MEI1: variants seen among roughly 807,000 people sequenced by gnomAD.
MEI1 encodes meiosis inhibitor protein 1.
A neutral mutation model predicts 146.2 loss-of-function variants in MEI1; 103 were observed. The ratio of observed to expected loss-of-function variants is 0.70; its 90% CI spans 0.60 to 0.83. MEI1 has a LOEUF of 0.83. Ranked by LOEUF, MEI1 falls within the 40% of genes least tolerant of loss-of-function variation. MEI1 has a pLI of 0.00. For missense variants in MEI1, 1,529 were observed against 1,533.0 expected (o/e 1.00, Z 0.04); for synonymous variants, 652 against 628.2 (o/e 1.04, Z -0.57).
At position 41,746,005 on chromosome 22, in the gene MEI1, G is replaced by C. The variant is rs760653758; in HGVS notation, c.1659G>C (p.Ser553=). 19 of 1,605,882 alleles carry C rather than the reference G, an allele frequency of 1.2e-5. No individual in the cohort carries two copies. The highest frequency in any genetic ancestry group is 1.5e-5 in the Non-Finnish European group (18 of 1,176,012). The part of the protein sequence containing the change: ...FSEFLLSACD[S]LCIPMVMRHL... ...AATTTCTTCTCAGTGCCTGTGACTC[G>C]CTGTGTATCCCCATGGTGATGGTGG... The change falls in exon 14 of 31, where the codon TCG becomes TCC. Residue 553 remains serine (S), a synonymous_variant. Transcript: ENST00000401548.
At chr22:41,710,372 A>G (rs1158805213) in intron 3 of MEI1, among the ~76,000 whole-genome samples, 1 of 152,240 alleles carries the variant, frequency 6.6e-6, no homozygotes, top group Non-Finnish European at 1.5e-5. Context: ...ATAGGATACA[A>G]AAATTCTGCA....
chr22:41,714,741 C>A (rs1459443454), intron 4 of MEI1, among the ~76,000 whole-genome samples: 1 of 151,082 alleles, frequency 6.6e-6, no homozygotes, highest in Non-Finnish European at 1.5e-5. Flanking sequence ...ATTAGCTGGG[C>A]GTGGTGGTGC....
At chr22:41,793,719 C>G in intron 26 of MEI1, 110 bp from the exon 27 acceptor site, 1 of 932,498 alleles carries the variant, frequency 1.1e-6, no homozygotes, top group Non-Finnish European at 1.6e-6. Flanking sequence ...AATCCCAAAT[C>G]TGAAATTCTG....
chr22:41,699,840 C>A, intron 1 of MEI1, 128 bp downstream of exon 1: 1 of 1,193,558 alleles, frequency 8.4e-7, no homozygotes, highest in Non-Finnish European at 1.1e-6. Context: ...TGTGTTCACT[C>A]TCCTCCCTGT....
chr22:41,743,241 G>A (rs1450411272), intron 12 of MEI1, 47 bp downstream of exon 12: 1 of 1,394,560 alleles, frequency 7.2e-7, no homozygotes, highest in South Asian at 1.2e-5. Context: ...GCTGCAGTGT[G>A]TTTTTAGAAA....
chr22:41,718,965 C>T (rs1033946814), intron 6 of MEI1, among the ~76,000 whole-genome samples: 25 of 150,628 alleles, frequency 1.7e-4, no homozygotes, highest in African/African-American at 5.6e-4. Flanking sequence ...TCTACCTCCC[C>T]GGTTCAAGTG....
Position 41,784,650 on chromosome 22 carries a change from T to G in MEI1, c.3212T>G (p.Phe1071Cys). ...CFLRTALRQSFSSALVALVPS... is the reference protein window; with the variant it reads ...CFLRTALRQSCSSALVALVPS... ...CTGCGGACAGCCCTGCGACAAAGCT[T>G]TTCCTCTGCCCTGGTAGCCCTGGTG... Residue 1071 changes from phenylalanine to cysteine, a missense_variant, in exon 26 of 31, where the codon TTT becomes TGT. Transcript: ENST00000401548. 6.2e-7 allele frequency: 1 copy of G among 1,613,688 alleles called. No homozygotes were observed. The highest frequency in any genetic ancestry group is 8.5e-7 in the Non-Finnish European group (1 of 1,179,874).
intron 16 of MEI1, 108 bp downstream of exon 16, chr22:41,752,759 T>A: frequency 1.0e-6 from 1 of 963,094 alleles, no homozygotes; most frequent in Non-Finnish European, 1.6e-6. Context: ...CTCATGGTGG[T>A]GTTGACATAG....
chr22:41,719,513 A>T (rs2070544188), intron 6 of MEI1, among the ~76,000 whole-genome samples: 1 of 152,066 alleles, frequency 6.6e-6, no homozygotes. Flanking sequence ...TGAGGAGCCT[A>T]CTCTCATGAT....
chr22:41,780,571 T>TTTTTC (rs1364114916), intron 22 of MEI1, among the ~76,000 whole-genome samples: 1 of 145,920 alleles, frequency 6.9e-6, no homozygotes, highest in Non-Finnish European at 1.5e-5. Flanking sequence ...GAGCTGAATT[T>TTTTTC]TTTTCTTTTC....
chr22:41,774,783 A>G (rs2075358012), intron 20 of MEI1, among the ~76,000 whole-genome samples: 1 of 152,256 alleles, frequency 6.6e-6, no homozygotes, highest in Non-Finnish European at 1.5e-5. Flanking sequence ...CAGCTACTGT[A>G]TAAACACAAC....
intron 11 of MEI1, among the ~76,000 whole-genome samples, chr22:41,739,890 C>T (rs560469525): frequency 7.9e-5 from 12 of 152,246 alleles, no homozygotes; most frequent in African/African-American, 2.9e-4. Flanking sequence ...AGAGATTGCT[C>T]AGGGTGCAGT....
In MEI1 at chr22:41,784,383, T is replaced by G. The variant is rs781511106; in HGVS notation, c.3132T>G (p.Ala1044=). The change falls in exon 25 of 31, where the codon GCT becomes GCG. Residue 1044 remains alanine (A), a synonymous_variant. Transcript: ENST00000401548. ...TGGAAATGGACCAAGTATTGAAGGC[T>G]CTCAGCTTTCCAAAGAAAAAGGCTG... ...LSVEMDQVLK[A]LSFPKKKAAL... 1 of 1,613,958 alleles carries G rather than the reference T, an allele frequency of 6.2e-7. No homozygotes were observed. The highest frequency in any genetic ancestry group is 2.2e-5 in the East Asian group (1 of 44,880).
intron 26 of MEI1, among the ~76,000 whole-genome samples, chr22:41,790,738 C>T (rs894071310): frequency 6.6e-6 from 1 of 152,066 alleles, no homozygotes; most frequent in Non-Finnish European, 1.5e-5. Flanking sequence ...GGACTACAGG[C>T]TCCCGCCACC....
At chr22:41,702,506 G>T (rs1428151086) in intron 1 of MEI1, among the ~76,000 whole-genome samples, 1 of 151,364 alleles carries the variant, frequency 6.6e-6, no homozygotes, top group Non-Finnish European at 1.5e-5. Flanking sequence ...TAGTGCAATG[G>T]CGCGATCTTG....
intron 22 of MEI1, chr22:41,779,019 A>G (rs937043059): frequency 6.2e-5 from 32 of 514,154 alleles, no homozygotes; most frequent in African/African-American, 5.8e-4. Flanking sequence ...GAGACACCCT[A>G]CCTCTGCAAA....
chr22:41,792,065 G>A (rs181028841), intron 26 of MEI1, among the ~76,000 whole-genome samples: 15 of 152,300 alleles, frequency 9.8e-5, no homozygotes, highest in South Asian at 8.3e-4. Context: ...TTACATTGCT[G>A]TGCAACTCTA....
At chr22:41,781,907 C>T in intron 24 of MEI1, 62 bp downstream of exon 24, 1 of 1,580,974 alleles carries the variant, frequency 6.3e-7, no homozygotes, top group South Asian at 1.1e-5. Flanking sequence ...TGTTGAAGAT[C>T]CTGAGTTCTG....
intron 20 of MEI1, 64 bp from the exon 21 acceptor site, chr22:41,776,038 C>G (rs2148099365): frequency 6.5e-7 from 1 of 1,545,406 alleles, no homozygotes; most frequent in Middle Eastern, 1.7e-4. Flanking sequence ...CCCTCTATTC[C>G]TCATTGTCAC....
Sources: gnomAD v4.1 joint callset for allele counts (sites outside exome capture counted in the v4.1 genomes callset) on GRCh38, gnomAD v4.1.1 for gene constraint, MANE v1.5 for transcripts, NCBI Gene and HGNC (gene_info 2026-07-23, HGNC 2026-07-21) for gene names.